The following TOX3 variants were observed in gnomAD, a reference collection of about 807,000 sequenced individuals.
TOX3 encodes CAG trinucleotide repeat-containing gene F9 protein.
Under a neutral mutation model 64.3 loss-of-function variants are expected in TOX3, and 22 were observed. The observed-to-expected ratio is 0.34, with a 90% CI of 0.24 to 0.49. The LOEUF (loss-of-function observed/expected upper bound fraction) is 0.49, where lower values mean the gene tolerates loss of function less well. Among genes scored for constraint, TOX3 ranks in the 20% least tolerant of loss-of-function variants. The pLI is 0.99. For synonymous variants in TOX3, 291 were observed against 273.6 expected (o/e 1.06, Z -0.63); for missense variants, 661 against 714.4 (o/e 0.93, Z 0.85).
intron 1 of TOX3, among the ~76,000 whole-genome samples, chr16:52,535,446 A>G (rs1477040564): frequency 6.6e-6 from 1 of 152,178 alleles, no homozygotes; most frequent in African/African-American, 2.4e-5. Context: ...TGGTCAAACC[A>G]TGGAGGTTGA....
intron 1 of TOX3, among the ~76,000 whole-genome samples, chr16:52,513,076 A>C (rs933722846): frequency 1.3e-5 from 2 of 152,252 alleles, no homozygotes; most frequent in Non-Finnish European, 2.9e-5. Context: ...TAATGCAAAC[A>C]AACAGCAACT....
At chr16:52,440,369 A>G (rs1243651142) in intron 6 of TOX3, among the ~76,000 whole-genome samples, 1 of 152,118 alleles carries the variant, frequency 6.6e-6, no homozygotes, top group Non-Finnish European at 1.5e-5. Flanking sequence ...ATGCAAGCTG[A>G]CCCCAGACAG....
chr16:52,520,126 A>T (rs945046826), intron 1 of TOX3, among the ~76,000 whole-genome samples: 2 of 152,178 alleles, frequency 1.3e-5, no homozygotes, highest in Non-Finnish European at 2.9e-5. Flanking sequence ...GGGTATATAA[A>T]ATCCAAACAT....
chr16:52,492,456 ATATAT>A (rs1961714324), intron 1 of TOX3, among the ~76,000 whole-genome samples: 1 of 140,756 alleles, frequency 7.1e-6, no homozygotes, highest in African/African-American at 2.6e-5. Context: ...ACCAATATTT[ATATAT>A]TATATGATGA....
At chr16:52,470,096 CAT>C (rs1285802442) in intron 1 of TOX3, among the ~76,000 whole-genome samples, 1 of 152,242 alleles carries the variant, frequency 6.6e-6, no homozygotes, top group Non-Finnish European at 1.5e-5. Flanking sequence ...ATATCAGAAA[CAT>C]GTGCATGGCT....
At chr16:52,473,457 A>T (rs766317388) in intron 1 of TOX3, among the ~76,000 whole-genome samples, 1 of 152,178 alleles carries the variant, frequency 6.6e-6, no homozygotes, top group East Asian at 1.9e-4. Flanking sequence ...CACTATGGAC[A>T]TCTGTCAAGT....
At chr16:52,526,854 A>T (rs1389037513) in intron 1 of TOX3, among the ~76,000 whole-genome samples, 2 of 152,244 alleles carry the variant, frequency 1.3e-5, no homozygotes, top group Non-Finnish European at 2.9e-5. Flanking sequence ...CATCCTGTCA[A>T]TTGTTCCAAA....
At chr16:52,442,947 C>T (rs559193310) in intron 6 of TOX3, among the ~76,000 whole-genome samples, 2 of 152,300 alleles carry the variant, frequency 1.3e-5, no homozygotes, top group South Asian at 4.1e-4. Context: ...GTTATCCCCT[C>T]TAAGTCAGTC....
intron 6 of TOX3, among the ~76,000 whole-genome samples, chr16:52,442,297 G>T (rs767498421): frequency 1.3e-5 from 2 of 152,130 alleles, no homozygotes; most frequent in Non-Finnish European, 2.9e-5. Context: ...AGTTAAATGT[G>T]CATATGATGC....
intron 1 of TOX3, among the ~76,000 whole-genome samples, chr16:52,476,533 T>C (rs1173573554): frequency 6.6e-6 from 1 of 152,056 alleles, no homozygotes; most frequent in Non-Finnish European, 1.5e-5. Context: ...TGGGGCCATC[T>C]TTGAGATTGG....
intron 1 of TOX3, among the ~76,000 whole-genome samples, chr16:52,481,757 C>A (rs2151449457): frequency 6.6e-6 from 1 of 152,306 alleles, no homozygotes; most frequent in Non-Finnish European, 1.5e-5. Flanking sequence ...GCAAGAATAT[C>A]TTGATTACAT....
chr16:52,438,415 A>G lies in TOX3; in HGVS notation c.*810T>C, dbSNP rs539813502. 2.0e-5 allele frequency: 3 copies of G among 152,792 alleles called. No homozygotes were observed. The highest frequency in any genetic ancestry group is 7.2e-5 in the African/African-American group (3 of 41,582). The allele number at this position is 152,792 out of a possible 1,614,324, so 9.5% of individuals were successfully genotyped here. ...TTCTTTTTAAATCTTAACTTTTGTAATAACTGTTTTCATTTAAGTGCATTT... is the reference window on the plus strand; with the variant it reads ...TTCTTTTTAAATCTTAACTTTTGTAGTAACTGTTTTCATTTAAGTGCATTT... On this transcript the variant is annotated 3_prime_UTR_variant, in exon 7 of 7. Coordinates refer to ENST00000219746, the MANE Select transcript of TOX3 (RefSeq NM_001080430.4).
chr16:52,547,131 G>T lies in TOX3; in HGVS notation c.-408C>A, dbSNP rs937772500. Reference sequence around the variant, plus strand: ...TCCTCCCCGGGCGGACTGAGGAGACGAGCCGCGGAGACAAGGGGCCCGGCC... The same window carrying T: ...TCCTCCCCGGGCGGACTGAGGAGACTAGCCGCGGAGACAAGGGGCCCGGCC... On this transcript the variant is annotated 5_prime_UTR_variant, in exon 1 of 7. Coordinates refer to ENST00000219746, the MANE Select transcript of TOX3 (RefSeq NM_001080430.4). The T allele has an allele frequency of 3.3e-5, 6 of 179,108 alleles. No homozygotes were observed. Among genetic ancestry groups the T allele is most frequent in the Non-Finnish European group, 5.2e-5 (5 of 95,642 alleles). The allele number at this position is 179,108 out of a possible 1,614,324, so 11.1% of individuals were successfully genotyped here.
At chr16:52,521,164 G>A (rs1005201072) in intron 1 of TOX3, among the ~76,000 whole-genome samples, 2 of 152,148 alleles carry the variant, frequency 1.3e-5, no homozygotes, top group Admixed American at 1.3e-4. Context: ...CAAGTATTAG[G>A]TGTTAAAGAC....
chr16:52,528,496 C>T (rs1962774997), intron 1 of TOX3, among the ~76,000 whole-genome samples: 1 of 151,908 alleles, frequency 6.6e-6, no homozygotes, highest in Admixed American at 6.6e-5. Flanking sequence ...CAGGAACATG[C>T]CAGAGATCAC....
intron 1 of TOX3, among the ~76,000 whole-genome samples, chr16:52,500,531 G>A (rs1006984188): frequency 1.3e-5 from 2 of 152,118 alleles, no homozygotes; most frequent in African/African-American, 4.8e-5. Context: ...TTGTAAAGGT[G>A]AAAATCTATA....
chr16:52,510,829 A>G (rs1379548519), intron 1 of TOX3, among the ~76,000 whole-genome samples: 9 of 151,730 alleles, frequency 5.9e-5, no homozygotes, highest in African/African-American at 1.7e-4. Context: ...CTCTCTCCCT[A>G]AAATGAACTA....
At chr16:52,474,242 C>T (rs142022104) in intron 1 of TOX3, among the ~76,000 whole-genome samples, 2 of 152,274 alleles carry the variant, frequency 1.3e-5, no homozygotes, top group Non-Finnish European at 2.9e-5. Context: ...GTTGGCTTAT[C>T]TTTCCAACTG....
At chr16:52,534,404 A>G (rs1213818362) in intron 1 of TOX3, among the ~76,000 whole-genome samples, 2 of 152,138 alleles carry the variant, frequency 1.3e-5, no homozygotes, top group Non-Finnish European at 2.9e-5. Flanking sequence ...TTGCAGGGCC[A>G]TGGCGAGAGG....
Sources: gnomAD v4.1 joint callset for allele counts (sites outside exome capture counted in the v4.1 genomes callset) on GRCh38, gnomAD v4.1.1 for gene constraint, MANE v1.5 for transcripts, NCBI Gene and HGNC (gene_info 2026-07-23, HGNC 2026-07-21) for gene names.